METAP1: variants seen among roughly 807,000 people sequenced by gnomAD.
METAP1 encodes methionine aminopeptidase 1.
METAP1 carries 28 observed loss-of-function variants against 53.8 expected under a neutral mutation model. That is an observed-to-expected ratio of 0.52 (90% CI 0.39 to 0.71). The LOEUF is 0.71. METAP1 is among the 30% of genes least tolerant of loss of function. The pLI, the probability that METAP1 is intolerant of heterozygous loss-of-function variation, is 0.00. For missense variants in METAP1, 389 were observed against 479.8 expected, an observed-to-expected ratio of 0.81 and a Z score of 1.77; for synonymous variants, 181 against 165.7, an observed-to-expected ratio of 1.09 and a Z score of -0.71.
Position 99,031,101 on chromosome 4 carries a change from G to GTTTTTT in METAP1, c.166+2201_166+2206dup, listed in dbSNP as rs56082818. On this transcript the variant is annotated intron_variant, in intron 2 of 10. Transcript: ENST00000296411. ...GAGTTAAATAAATGACTCAAAGGTA[G>GTTTTTT]TTTTTTTTTTTTTTTTTTTTTTTAC... Among the ~76,000 whole-genome samples, 131 of 109,892 alleles carry GTTTTTT rather than the reference G, an allele frequency of 1.2e-3. 1 individual carries two copies. The highest frequency in any genetic ancestry group is 2.0e-3 in the Non-Finnish European group (110 of 55,324). The allele number at this position is 109,892 out of a possible 152,430, so 72.1% of individuals were successfully genotyped here.
intron 4 of METAP1, chr4:99,036,187 G>C (rs1351441559): frequency 6.5e-6 from 1 of 153,358 alleles, no homozygotes; most frequent in African/African-American, 2.4e-5. Context: ...TCGACTCTCA[G>C]CAATTTTGTG....
chr4:99,015,170 T>C (rs1723684633), intron 1 of METAP1, among the ~76,000 whole-genome samples: 1 of 152,204 alleles, frequency 6.6e-6, no homozygotes, highest in African/African-American at 2.4e-5. Flanking sequence ...GGACAGAATA[T>C]TTAATCCGTT....
rs958550681 is a variant in METAP1 at position 99,045,282 on chromosome 4, T to C, written c.759T>C (p.Tyr253=). 1 of 1,613,738 alleles carries C rather than the reference T, an allele frequency of 6.2e-7. No homozygotes were observed. ...DGARKLVQTT[Y]ECLMQAIDAV... is the part of the protein sequence containing the mutation. ...CACGGAAACTTGTTCAGACCACATA[T>C]GAGTGCCTGATGCAAGCCATTGATG... is the stretch of plus-strand genomic sequence containing the variant. The change falls in exon 8 of 11, where the codon TAT becomes TAC. Residue 253 remains tyrosine, a synonymous_variant. Transcript: ENST00000296411.
Position 99,004,982 on chromosome 4 carries a change from T to G in METAP1, c.114+9115T>G, listed in dbSNP as rs1723109947. On this transcript the variant is annotated intron_variant, in intron 1 of 10. Transcript: ENST00000296411. ...TTATAAATAGTCCTCCTCTAGACATTCTTGTGCCTGATTCTTGGTGCCTGT... is the reference window on the plus strand; with the variant it reads ...TTATAAATAGTCCTCCTCTAGACATGCTTGTGCCTGATTCTTGGTGCCTGT... 2.6e-5 allele frequency among the ~76,000 whole-genome samples: 4 copies of G among 152,182 alleles called. No individual in the cohort carries two copies. In the South Asian group the frequency reaches 8.3e-4, roughly 32 times the overall value.
intron 9 of METAP1, among the ~76,000 whole-genome samples, chr4:99,049,244 T>G (rs934166676): frequency 9.9e-5 from 15 of 152,208 alleles, no homozygotes; most frequent in African/African-American, 3.6e-4. Flanking sequence ...ACAGCTGGAA[T>G]TGGCATAAAT....
At chr4:99,022,176 C>G (rs1724156028) in intron 1 of METAP1, 1 of 343,830 alleles carries the variant, frequency 2.9e-6, no homozygotes, top group Non-Finnish European at 5.2e-6. Flanking sequence ...CACAAAACTT[C>G]CACGTTTGGG....
At chr4:99,051,984 C>G (rs1726748716) in intron 9 of METAP1, among the ~76,000 whole-genome samples, 2 of 152,100 alleles carry the variant, frequency 1.3e-5, no homozygotes, top group Admixed American at 6.6e-5. Context: ...GATGATAATA[C>G]TCTGCATTTA....
At chr4:98,998,880 G>T (rs1337828833) in intron 1 of METAP1, among the ~76,000 whole-genome samples, 1 of 151,280 alleles carries the variant, frequency 6.6e-6, no homozygotes, top group South Asian at 2.1e-4. Context: ...GTGCGATCTC[G>T]ACTCACCGCA....
In METAP1 at chr4:99,010,925, T is replaced by C. The variant is rs146206734; in HGVS notation, c.114+15058T>C. The stretch of plus-strand genomic sequence containing the variant: ...CTAGGTATTTTATTTTTAATGGAAA[T>C]TTATTTTTAAATGGAATTGTTCCTT... On this transcript the variant is annotated intron_variant, in intron 1 of 10. Coordinates refer to ENST00000296411, the MANE Select transcript of METAP1 (RefSeq NM_015143.3). Among the ~76,000 whole-genome samples, 913 of 152,292 alleles carry C rather than the reference T, an allele frequency of 6.0e-3. 7 individuals carry two copies. The highest frequency in any genetic ancestry group is 7.8e-3 in the Non-Finnish European group (534 of 68,026).
chr4:99,044,952 C>T (rs1406654752), intron 7 of METAP1, among the ~76,000 whole-genome samples: 1 of 152,114 alleles, frequency 6.6e-6, no homozygotes, highest in African/African-American at 2.4e-5. Context: ...GTATAAAAAC[C>T]CACTATCTGG....
chr4:99,023,833 CAG>C (rs1724326679), intron 1 of METAP1: 1 of 935,456 alleles, frequency 1.1e-6, no homozygotes, highest in Non-Finnish European at 1.3e-6. Flanking sequence ...GCTGCCTAGA[CAG>C]AGCTGATTAT....
chr4:99,011,326 A>G lies in METAP1; in HGVS notation c.114+15459A>G, dbSNP rs144904000. On this transcript the variant is annotated intron_variant, in intron 1 of 10. Transcript: ENST00000296411. Reference sequence around the variant, plus strand: ...ATATGAGCTTTGTTATGTTGAGGTAATTTTCATGTATTCCTAGTTTGTTGA... The same window carrying G: ...ATATGAGCTTTGTTATGTTGAGGTAGTTTTCATGTATTCCTAGTTTGTTGA... 2.8e-3 allele frequency among the ~76,000 whole-genome samples: 421 copies of G among 152,178 alleles called. 3 individuals carry two copies. The highest frequency in any genetic ancestry group is 9.4e-3 in the African/African-American group (392 of 41,544).
intron 1 of METAP1, chr4:99,005,645 C>T (rs1477494350): frequency 3.8e-6 from 1 of 262,616 alleles, no homozygotes; most frequent in Non-Finnish European, 7.7e-6. Flanking sequence ...GCACATTTCA[C>T]AATTGCAAAG....
intron 1 of METAP1, among the ~76,000 whole-genome samples, chr4:99,017,590 T>C (rs1187549610): frequency 6.6e-6 from 1 of 152,244 alleles, no homozygotes; most frequent in Non-Finnish European, 1.5e-5. Flanking sequence ...ATGGATTCCC[T>C]CTTAAGAATC....
chr4:99,046,957 A>AAAAAAAAAAAAAAAAC, intron 8 of METAP1, among the ~76,000 whole-genome samples: 2 of 150,252 alleles, frequency 1.3e-5, no homozygotes, highest in South Asian at 2.1e-4. Context: ...AAAAAAAAAA[A>AAAAAAAAAAAAAAAAC]AGAAAAAGAA....
At chr4:99,006,985 T>G (rs1723207089) in intron 1 of METAP1, among the ~76,000 whole-genome samples, 1 of 150,596 alleles carries the variant, frequency 6.6e-6, no homozygotes, top group African/African-American at 2.5e-5. Context: ...TTTGAGACGG[T>G]CTCATTCTGT....
At chr4:99,050,342 T>C (rs917888462) in intron 9 of METAP1, among the ~76,000 whole-genome samples, 6 of 152,228 alleles carry the variant, frequency 3.9e-5, no homozygotes, top group African/African-American at 1.4e-4. Context: ...ATAATGAAGC[T>C]GATATTTTGA....
chr4:98,999,410 G>C (rs980921777), intron 1 of METAP1, among the ~76,000 whole-genome samples: 1 of 150,640 alleles, frequency 6.6e-6, no homozygotes, highest in African/African-American at 2.5e-5. Context: ...AGTATGTAAA[G>C]CTCTTAGCAT....
At chr4:99,003,691 ATGTT>A (rs1481315228) in intron 1 of METAP1, among the ~76,000 whole-genome samples, 2 of 152,212 alleles carry the variant, frequency 1.3e-5, no homozygotes, top group African/African-American at 4.8e-5. Context: ...ATATTAGTAA[ATGTT>A]TGGGAAAAAA....
Sources: gnomAD v4.1 joint callset for allele counts (sites outside exome capture counted in the v4.1 genomes callset) on GRCh38, gnomAD v4.1.1 for gene constraint, MANE v1.5 for transcripts, NCBI Gene and HGNC (gene_info 2026-07-23, HGNC 2026-07-21) for gene names.